Variants in JMJD1C observed in about 807,000 individuals in gnomAD.
The protein encoded by JMJD1C is jumonji domain containing 1C.
Under a neutral mutation model 245.3 loss-of-function variants are expected in JMJD1C, and 31 were observed. That is an observed-to-expected ratio of 0.13 (90% CI 0.09 to 0.17). JMJD1C has a LOEUF of 0.17. JMJD1C is among the 10% of genes least tolerant of loss of function. JMJD1C has a pLI of 1.00. For synonymous variants in JMJD1C, 1,057 were observed against 1,017.4 expected, an observed-to-expected ratio of 1.04 and a Z score of -0.74; for missense variants, 2,691 against 3,000.2, an observed-to-expected ratio of 0.90 and a Z score of 2.41.
chr10:63,389,318 A>AG (rs1197918716), intron 1 of JMJD1C, among the ~76,000 whole-genome samples: 1 of 150,230 alleles, frequency 6.7e-6, no homozygotes, highest in African/African-American at 2.4e-5. Flanking sequence ...TCTCAAAAAA[A>AG]AAAAAAAAAA....
intron 1 of JMJD1C, among the ~76,000 whole-genome samples, chr10:63,464,638 A>G (rs1280630223): frequency 1.3e-5 from 2 of 152,282 alleles, no homozygotes; most frequent in South Asian, 2.1e-4. Context: ...TTACAGCTCA[A>G]TATCATGCAC....
intron 2 of JMJD1C, among the ~76,000 whole-genome samples, chr10:63,356,294 C>G (rs1488670825): frequency 1.3e-5 from 2 of 152,220 alleles, no homozygotes; most frequent in East Asian, 3.8e-4. Context: ...TGGCATTACT[C>G]ACTAAAAAGT....
intron 1 of JMJD1C, among the ~76,000 whole-genome samples, chr10:63,446,169 C>T (rs1951709859): frequency 6.6e-6 from 1 of 152,052 alleles, no homozygotes. Flanking sequence ...AGCCACCACG[C>T]CCCGCCTGGG....
At chr10:63,498,854 C>A (rs938834868) in intron 1 of JMJD1C, among the ~76,000 whole-genome samples, 1 of 152,108 alleles carries the variant, frequency 6.6e-6, no homozygotes, top group South Asian at 2.1e-4. Context: ...TGAATCTTTA[C>A]GTCCATTGAG....
chr10:63,187,297 G>C (rs939710293), intron 18 of JMJD1C, among the ~76,000 whole-genome samples: 14 of 152,222 alleles, frequency 9.2e-5, no homozygotes, highest in Admixed American at 2.0e-4. Context: ...TTAATTCCTA[G>C]TGCCTAGTAT....
chr10:63,335,135 G>A (rs1942586321), intron 2 of JMJD1C, among the ~76,000 whole-genome samples: 1 of 151,432 alleles, frequency 6.6e-6, no homozygotes, highest in African/African-American at 2.4e-5. Flanking sequence ...AATAAGGTCA[G>A]ACAAAGCAGT....
intron 2 of JMJD1C, among the ~76,000 whole-genome samples, chr10:63,306,778 C>G (rs2134021690): frequency 6.6e-6 from 1 of 152,214 alleles, no homozygotes; most frequent in East Asian, 1.9e-4. Flanking sequence ...CAGACGTTTT[C>G]AAAAATTTTC....
chr10:63,447,590 C>T (rs1211522681), intron 1 of JMJD1C, among the ~76,000 whole-genome samples: 1 of 152,018 alleles, frequency 6.6e-6, no homozygotes, highest in Non-Finnish European at 1.5e-5. Flanking sequence ...CATAATATTC[C>T]AAATTACTTA....
intron 3 of JMJD1C, among the ~76,000 whole-genome samples, chr10:63,246,741 A>T (rs868422435): frequency 1.3e-5 from 2 of 152,226 alleles, no homozygotes; most frequent in Non-Finnish European, 2.9e-5. Context: ...TCATACGGCA[A>T]ACTGTCTTTT....
At chr10:63,344,626 G>T (rs1943653489) in intron 2 of JMJD1C, among the ~76,000 whole-genome samples, 1 of 152,050 alleles carries the variant, frequency 6.6e-6, no homozygotes, top group Non-Finnish European at 1.5e-5. Context: ...CTACAGACTG[G>T]TAGAAGGCCA....
chr10:63,176,798 ATTTTTTTT>A (rs10577726), intron 23 of JMJD1C: 51 of 135,602 alleles, frequency 3.8e-4, no homozygotes, highest in Non-Finnish European at 5.9e-4. Flanking sequence ...GGAACAGGGT[ATTTTTTTT>A]TTTTTTTTTT....
intron 2 of JMJD1C, among the ~76,000 whole-genome samples, chr10:63,272,747 C>A (rs1017623469): frequency 6.6e-6 from 1 of 152,172 alleles, no homozygotes; most frequent in Non-Finnish European, 1.5e-5. Context: ...AACAAACTAT[C>A]AAATTTTAAG....
intron 2 of JMJD1C, among the ~76,000 whole-genome samples, chr10:63,335,037 A>T (rs931978936): frequency 4.6e-5 from 7 of 151,024 alleles, no homozygotes; most frequent in East Asian, 1.9e-4. Flanking sequence ...AAAATAAAAA[A>T]AAAAAAAAAT....
intron 1 of JMJD1C, among the ~76,000 whole-genome samples, chr10:63,482,518 C>T (rs1242282942): frequency 6.6e-6 from 1 of 152,080 alleles, no homozygotes; most frequent in East Asian, 1.9e-4. Flanking sequence ...CACCTGTAGT[C>T]CTAGCTACTC....
chr10:63,226,158 T>C (rs992951743), intron 3 of JMJD1C, among the ~76,000 whole-genome samples: 18 of 152,220 alleles, frequency 1.2e-4, no homozygotes, highest in Admixed American at 3.3e-4. Flanking sequence ...GGGTGGAAGA[T>C]ACCTTTCTAT....
chr10:63,246,151 G>C (rs1224409529), intron 3 of JMJD1C, among the ~76,000 whole-genome samples: 1 of 152,184 alleles, frequency 6.6e-6, no homozygotes, highest in Non-Finnish European at 1.5e-5. Flanking sequence ...ACAGCAGAAA[G>C]TGGAAAGCAA....
At position 63,207,174 on chromosome 10, in the gene JMJD1C, C is replaced by T. The variant is rs1846728718; in HGVS notation, c.4495G>A (p.Ala1499Thr). Residue 1499 changes from alanine to threonine, a missense_variant, in exon 10 of 26, where the codon GCC becomes ACC. By Grantham distance (58) the Ala-to-Thr change is moderately conservative. Coordinates refer to ENST00000399262, the MANE Select transcript of JMJD1C (RefSeq NM_032776.3). The part of the protein sequence containing the change: ...LAAAQYKSSN[A>T]SETEPNAIKN... Reference sequence around the variant, plus strand: ...ATAGCATTAGGTTCAGTCTCACTGGCATTACTACTTTTATACTGAGCTGCA... The same window carrying T: ...ATAGCATTAGGTTCAGTCTCACTGGTATTACTACTTTTATACTGAGCTGCA... The T allele has an allele frequency of 1.2e-6, 2 of 1,614,114 alleles. No individual in the cohort carries two copies. Among genetic ancestry groups the T allele is most frequent in the African/African-American group, 1.3e-5 (1 of 75,052 alleles).
intron 2 of JMJD1C, among the ~76,000 whole-genome samples, chr10:63,350,049 A>G (rs1295449703): frequency 1.3e-5 from 2 of 152,216 alleles, no homozygotes; most frequent in Non-Finnish European, 2.9e-5. Flanking sequence ...TATACCTATA[A>G]AAGAAGACAA....
chr10:63,349,933 G>T (rs1224735430), intron 2 of JMJD1C, among the ~76,000 whole-genome samples: 1 of 152,042 alleles, frequency 6.6e-6, no homozygotes, highest in East Asian at 1.9e-4. Flanking sequence ...AAACTTTAGG[G>T]TTTTTAAAAA....
Sources: allele counts gnomAD v4.1 joint callset (sites outside exome capture counted in the v4.1 genomes callset), GRCh38; gene constraint gnomAD v4.1.1; transcripts MANE v1.5; gene names NCBI Gene and HGNC (gene_info 2026-07-23, HGNC 2026-07-21).